The following KIF9 variants were observed in gnomAD, a reference collection of about 807,000 sequenced individuals.
KIF9 encodes the protein kinesin family member 9.
KIF9 carries 68 observed loss-of-function variants against 94.8 expected under a neutral mutation model. The observed-to-expected ratio is 0.72, with a 90% CI of 0.59 to 0.88. The LOEUF is 0.88. KIF9 is among the 40% of genes least tolerant of loss of function. KIF9 has a pLI of 0.00. For synonymous variants in KIF9, 343 were observed against 362.1 expected (o/e 0.95, Z 0.60); for missense variants, 882 against 982.5 (o/e 0.90, Z 1.37).
intron 1 of KIF9, among the ~76,000 whole-genome samples, chr3:47,279,942 T>A (rs1702227055): frequency 6.6e-6 from 1 of 152,136 alleles, no homozygotes; most frequent in African/African-American, 2.4e-5. Context: ...TTCCAGATTT[T>A]ATTTATTTAT....
intron 17 of KIF9, among the ~76,000 whole-genome samples, chr3:47,237,478 G>A (rs563066351): frequency 1.2e-3 from 186 of 152,338 alleles, no homozygotes; most frequent in South Asian, 3.1e-3. Context: ...AAGGGTCAGT[G>A]CTATTAGTCT....
chr3:47,231,479 T>C (rs894859472), intron 20 of KIF9, among the ~76,000 whole-genome samples: 1 of 149,418 alleles, frequency 6.7e-6, no homozygotes, highest in African/African-American at 2.5e-5. Flanking sequence ...GGTGCAAGCT[T>C]GGCTCACTGC....
intron 17 of KIF9, chr3:47,240,146 G>GTGGGC (rs1699356536): frequency 3.2e-6 from 1 of 312,172 alleles, no homozygotes; most frequent in Non-Finnish European, 6.3e-6. Flanking sequence ...CAGTGCAGGT[G>GTGGGC]TGGGCGGCGC....
intron 1 of KIF9, chr3:47,282,002 T>G (rs1476143473): frequency 5.8e-6 from 1 of 172,176 alleles, no homozygotes. Context: ...GCACCTGGCC[T>G]TGGCTGAACA....
Position 47,236,585 on chromosome 3 carries a change from A to G in KIF9, c.1959T>C (p.Asp653=). 6.2e-7 allele frequency: 1 copy of G among 1,613,972 alleles called. No homozygotes were observed. The highest frequency in any genetic ancestry group is 8.5e-7 in the Non-Finnish European group (1 of 1,180,034). The change falls in exon 18 of 21, where the codon GAT becomes GAC. Residue 653 remains aspartate (D), a synonymous_variant. Coordinates refer to ENST00000684063, the MANE Select transcript of KIF9 (RefSeq NM_182902.4). ...KYENKGLMII[D]EEEFLLILKL... ...TGAGGATCAGCAGGAATTCTTCCTC[A>G]TCGATGATCATCAGCCCCTTGTTTT... is the stretch of plus-strand genomic sequence containing the variant.
rs1701789273 is a variant in KIF9 at position 47,273,715 on chromosome 3, C to T, written c.260-57G>A. 35 of 1,468,470 alleles carry T rather than the reference C, an allele frequency of 2.4e-5. No individual in the cohort carries two copies. In the South Asian group the frequency reaches 4.1e-4, roughly 17 times the overall value. 91.0% of individuals were successfully genotyped at this position (1,468,470 alleles called of 1,614,324 possible). ...GGAAAATAGCTCCAAGGATAACTCT[C>T]CCCTCTCCCAGCATGCCTGGTGCCA... On this transcript the variant is annotated intron_variant, in intron 3 of 20. Transcript: ENST00000684063.
chr3:47,239,702 C>G, intron 17 of KIF9: 1 of 1,190,878 alleles, frequency 8.4e-7, no homozygotes, highest in African/African-American at 1.6e-5. Flanking sequence ...ATTTTCATGC[C>G]TCAGCCTCCC....
chr3:47,257,872 C>A (rs1700722561), intron 9 of KIF9, among the ~76,000 whole-genome samples: 1 of 152,074 alleles, frequency 6.6e-6, no homozygotes, highest in Non-Finnish European at 1.5e-5. Context: ...CTCAGGTGAC[C>A]CCCTGCCTGG....
At chr3:47,245,043 T>C (rs1699833168) in intron 14 of KIF9, 119 bp from the exon 15 acceptor site, 2 of 1,355,848 alleles carry the variant, frequency 1.5e-6, no homozygotes, top group African/African-American at 2.9e-5. Flanking sequence ...ACACCAAGGT[T>C]TGACAGCTGC....
At chr3:47,282,118 C>T (rs1467376493) in intron 1 of KIF9, 1 of 896,456 alleles carries the variant, frequency 1.1e-6, no homozygotes, top group African/African-American at 1.8e-5. Flanking sequence ...ATTCCGGTCC[C>T]TCTCTGGAGA....
intron 2 of KIF9, among the ~76,000 whole-genome samples, chr3:47,276,218 T>C (rs1701955500): frequency 6.6e-6 from 1 of 152,172 alleles, no homozygotes; most frequent in Non-Finnish European, 1.5e-5. Flanking sequence ...ACTGCCCTAA[T>C]GCAGGAGCTA....
At position 47,257,577 on chromosome 3, in the gene KIF9, G is replaced by A. The variant is rs1339755146; in HGVS notation, c.982-17C>T. On this transcript the variant is annotated splice_polypyrimidine_tract_variant and intron_variant, in intron 9 of 20. Transcript: ENST00000684063. ...TGAAGATAGCTGCAAAACAGAGCAG[G>A]TAGACATTAGATGGCTCGCCACTAA... 6.2e-7 allele frequency: 1 copy of A among 1,610,376 alleles called. No homozygotes were observed. Among genetic ancestry groups the A allele is most frequent in the South Asian group, 1.1e-5 (1 of 91,034 alleles).
At chr3:47,247,230 T>C (rs745602421) in intron 12 of KIF9, 143 bp downstream of exon 12, 2 of 583,310 alleles carry the variant, frequency 3.4e-6, no homozygotes, top group Non-Finnish European at 6.4e-6. Flanking sequence ...GAAGGGACCC[T>C]GACATCAAGA....
At chr3:47,276,904 G>A (rs1184499323) in intron 2 of KIF9, among the ~76,000 whole-genome samples, 1 of 152,150 alleles carries the variant, frequency 6.6e-6, no homozygotes, top group Non-Finnish European at 1.5e-5. Flanking sequence ...TTCTCCAGCT[G>A]TTTTGATAAG....
intron 3 of KIF9, among the ~76,000 whole-genome samples, chr3:47,274,194 G>C (rs1006013559): frequency 6.6e-6 from 1 of 152,310 alleles, no homozygotes; most frequent in South Asian, 2.1e-4. Flanking sequence ...GGATGAAACA[G>C]GGCTCCTAGT....
intron 1 of KIF9, among the ~76,000 whole-genome samples, chr3:47,278,838 G>A (rs1001814641): frequency 5.3e-5 from 8 of 152,054 alleles, no homozygotes; most frequent in African/African-American, 1.9e-4. Context: ...TAGTTGTGGT[G>A]GCAGACGCCT....
Position 47,235,496 on chromosome 3 carries a change from A to C in KIF9, c.2322+17T>G. 6.4e-7 allele frequency: 1 copy of C among 1,562,558 alleles called. No individual in the cohort carries two copies. The highest frequency in any genetic ancestry group is 8.8e-7 in the Non-Finnish European group (1 of 1,132,922). The stretch of plus-strand genomic sequence containing the variant: ...CTGAGGCCCCCATCCTCCTGGAGAC[A>C]TAGGCCTCTGAGTTACCTTCTGCTC... On this transcript the variant is annotated intron_variant, in intron 20 of 20. Coordinates refer to ENST00000684063, the MANE Select transcript of KIF9 (RefSeq NM_182902.4).
intron 2 of KIF9, 109 bp from the exon 3 acceptor site, chr3:47,275,599 G>C (rs1160155852): frequency 1.2e-6 from 1 of 806,564 alleles, no homozygotes. Flanking sequence ...GAAATGAACT[G>C]TAGGATGAAT....
chr3:47,248,042 C>T lies in KIF9; in HGVS notation c.1104G>A (p.Gln368=), dbSNP rs763482750. The T allele has an allele frequency of 5.6e-6, 9 of 1,613,770 alleles. No homozygotes were observed. Among genetic ancestry groups the T allele is most frequent in the Non-Finnish European group, 7.6e-6 (9 of 1,179,896 alleles). Residue 368 remains glutamine, a synonymous_variant, in exon 11 of 21, where the codon CAG becomes CAA. Coordinates refer to ENST00000684063, the MANE Select transcript of KIF9 (RefSeq NM_182902.4). ...NLEKELALLK[Q]ELAIHDSLTN... is the part of the protein sequence containing the mutation. The stretch of plus-strand genomic sequence containing the variant: ...CCAGGCTGTCATGGATAGCCAGCTC[C>T]TGCTTGAGTAGTGCTAGTTCCTTCT...
Sources: gnomAD v4.1 joint callset for allele counts (sites outside exome capture counted in the v4.1 genomes callset) on GRCh38, gnomAD v4.1.1 for gene constraint, MANE v1.5 for transcripts, NCBI Gene and HGNC (gene_info 2026-07-23, HGNC 2026-07-21) for gene names.